The following EPB41L3 variants were observed in gnomAD, a reference collection of about 807,000 sequenced individuals.
The protein encoded by EPB41L3 is erythrocyte membrane protein band 4.1 like 3, also known as band 4.1-like protein 3.
EPB41L3 carries 57 observed loss-of-function variants against 127.1 expected under a neutral mutation model. The ratio of observed to expected loss-of-function variants is 0.45; its 90% CI spans 0.36 to 0.56. The LOEUF is 0.56. Ranked by LOEUF, EPB41L3 falls within the 20% of genes least tolerant of loss-of-function variation. EPB41L3 has a pLI of 0.00. For synonymous variants in EPB41L3, 572 were observed against 549.5 expected (o/e 1.04, Z -0.57); for missense variants, 1,273 against 1,372.2 (o/e 0.93, Z 1.14).
In EPB41L3 at chr18:5,511,700, G is replaced by T. The variant is rs1403360220; in HGVS notation, c.-11-22506C>A. On this transcript the variant is annotated intron_variant, in intron 1 of 22. Transcript: ENST00000341928. Reference sequence around the variant, plus strand: ...AACCTTCCAGACGCATACAGACAGAGAGGTGATCCCCAGTGCTTAGTTCCT... The same window carrying T: ...AACCTTCCAGACGCATACAGACAGATAGGTGATCCCCAGTGCTTAGTTCCT... Among the ~76,000 whole-genome samples, 4 of 152,034 alleles carry T rather than the reference G, an allele frequency of 2.6e-5. No homozygotes were observed. The East Asian group carries it at 7.8e-4, about 30-fold the overall frequency.
In EPB41L3 at chr18:5,503,619, C is replaced by T. The variant is rs189681778; in HGVS notation, c.-11-14425G>A. ...AAACTAAAGTTTGCCAACCACTGGCCCCTCTCCACCTCAAAGCTACTGAAT... is the reference window on the plus strand; with the variant it reads ...AAACTAAAGTTTGCCAACCACTGGCTCCTCTCCACCTCAAAGCTACTGAAT... On this transcript the variant is annotated intron_variant, in intron 1 of 22. Coordinates refer to ENST00000341928, the MANE Select transcript of EPB41L3 (RefSeq NM_012307.5). Among the ~76,000 whole-genome samples, 493 of 152,272 alleles carry T rather than the reference C, an allele frequency of 3.2e-3. 4 individuals carry two copies. Among genetic ancestry groups the T allele is most frequent in the Non-Finnish European group, 3.7e-3 (250 of 68,024 alleles).
intron 1 of EPB41L3, among the ~76,000 whole-genome samples, chr18:5,541,125 C>A (rs2093714303): frequency 6.9e-6 from 1 of 144,432 alleles, no homozygotes; most frequent in Non-Finnish European, 1.5e-5. Context: ...TGGTGGTGGT[C>A]GCCTATAATC....
chr18:5,455,810 T>C (rs2082966310), intron 3 of EPB41L3, among the ~76,000 whole-genome samples: 1 of 148,970 alleles, frequency 6.7e-6, no homozygotes, highest in African/African-American at 2.5e-5. Flanking sequence ...ATACGAGATG[T>C]TGGCAGCAAA....
At chr18:5,573,346 T>A (rs75436918) in intron 3 of EPB41L3, among the ~76,000 whole-genome samples, 3 of 152,174 alleles carry the variant, frequency 2.0e-5, no homozygotes, top group African/African-American at 7.2e-5. Flanking sequence ...ACAAAACACA[T>A]GAGGAATTTT....
chr18:5,510,938 T>C (rs1156855651), intron 1 of EPB41L3, among the ~76,000 whole-genome samples: 5 of 152,088 alleles, frequency 3.3e-5, no homozygotes, highest in Non-Finnish European at 5.9e-5. Context: ...TAAAAATTCA[T>C]TGTAGGCAAT....
intron 3 of EPB41L3, among the ~76,000 whole-genome samples, chr18:5,549,875 C>T (rs1361954390): frequency 6.6e-6 from 1 of 151,904 alleles, no homozygotes; most frequent in East Asian, 1.9e-4. Context: ...CCCACTCAGA[C>T]ATATACGAGA....
At chr18:5,462,912 C>G (rs1488092176) in intron 3 of EPB41L3, among the ~76,000 whole-genome samples, 1 of 152,198 alleles carries the variant, frequency 6.6e-6, no homozygotes, top group Non-Finnish European at 1.5e-5. Context: ...AAGTTAAATT[C>G]ACTGTCTTCC....
chr18:5,624,183 G>A (rs548517224), intron 1 of EPB41L3, among the ~76,000 whole-genome samples: 37 of 152,044 alleles, frequency 2.4e-4, no homozygotes, highest in African/African-American at 6.5e-4. Flanking sequence ...TTAATTTTTT[G>A]TGGAGACAAC....
chr18:5,603,878 TA>T (rs33999874), intron 3 of EPB41L3, among the ~76,000 whole-genome samples: 3 of 151,294 alleles, frequency 2.0e-5, no homozygotes, highest in African/African-American at 4.9e-5. Context: ...AATTAAAATT[TA>T]AAAAAAAAGT....
upstream of EPB41L3, among the ~76,000 whole-genome samples, chr18:5,545,615 A>C (rs753451203): frequency 1.3e-5 from 2 of 152,234 alleles, no homozygotes; most frequent in Non-Finnish European, 2.9e-5. Context: ...TGACTTAAGT[A>C]ATGTTTTAAG....
intron 5 of EPB41L3, among the ~76,000 whole-genome samples, chr18:5,440,384 A>G (rs1264483040): frequency 6.6e-6 from 1 of 152,244 alleles, no homozygotes; most frequent in Non-Finnish European, 1.5e-5. Flanking sequence ...TAAATGGGGC[A>G]TAACACTAGA....
intron 18 of EPB41L3, among the ~76,000 whole-genome samples, chr18:5,396,837 T>C (rs1384970394): frequency 2.0e-5 from 3 of 152,188 alleles, no homozygotes; most frequent in Admixed American, 2.0e-4. Context: ...CCTGGTGCCA[T>C]ATTATTAATA....
intron 3 of EPB41L3, among the ~76,000 whole-genome samples, chr18:5,595,771 T>A (rs1010117672): frequency 1.3e-5 from 2 of 152,202 alleles, no homozygotes; most frequent in African/African-American, 4.8e-5. Flanking sequence ...GACATGTGCT[T>A]ATTTTCCTTA....
chr18:5,477,570 C>G (rs572161457), intron 3 of EPB41L3, among the ~76,000 whole-genome samples: 2 of 152,200 alleles, frequency 1.3e-5, no homozygotes, highest in South Asian at 2.1e-4. Context: ...GTGAATCCTC[C>G]CTGATACTCA....
chr18:5,559,417 C>G (rs973096608), intron 3 of EPB41L3, among the ~76,000 whole-genome samples: 3 of 152,152 alleles, frequency 2.0e-5, no homozygotes, highest in Non-Finnish European at 4.4e-5. Flanking sequence ...TGTGAACACC[C>G]AGCTAACTCA....
intron 3 of EPB41L3, among the ~76,000 whole-genome samples, chr18:5,593,220 C>T (rs1015720212): frequency 1.5e-5 from 2 of 131,028 alleles, no homozygotes; most frequent in South Asian, 2.8e-4. Flanking sequence ...GTCCCTGTAT[C>T]GGGGGAAATT....
Position 5,410,625 on chromosome 18 carries a change from G to T in EPB41L3, c.2068-6C>A. ...TCCGTGCGCTCACTGTCAGTCTGTT[G>T]ACCACAGAAGTGATCAGGTTCCAGG... On this transcript the variant is annotated splice_region_variant and splice_polypyrimidine_tract_variant and intron_variant, in intron 13 of 22. Coordinates refer to ENST00000341928, the MANE Select transcript of EPB41L3 (RefSeq NM_012307.5). 1 of 1,612,020 alleles carries T rather than the reference G, an allele frequency of 6.2e-7. No individual in the cohort carries two copies. The highest frequency in any genetic ancestry group is 8.5e-7 in the Non-Finnish European group (1 of 1,178,802).
intron 1 of EPB41L3, among the ~76,000 whole-genome samples, chr18:5,624,449 C>G (rs2094899971): frequency 6.6e-6 from 1 of 152,200 alleles, no homozygotes; most frequent in Admixed American, 6.5e-5. Flanking sequence ...AATCTCATCA[C>G]TATAATGAAG....
chr18:5,592,949 T>C (rs1365982911), intron 3 of EPB41L3, among the ~76,000 whole-genome samples: 3 of 152,210 alleles, frequency 2.0e-5, no homozygotes, highest in Non-Finnish European at 4.4e-5. Context: ...TCAGCATCTT[T>C]CCATCAGTCA....
Sources: allele counts gnomAD v4.1 joint callset (sites outside exome capture counted in the v4.1 genomes callset), GRCh38; gene constraint gnomAD v4.1.1; transcripts MANE v1.5; gene names NCBI Gene and HGNC (gene_info 2026-07-23, HGNC 2026-07-21).